FCHO1: variants seen among roughly 807,000 people sequenced by gnomAD.
The protein encoded by FCHO1 is FCH and mu domain containing endocytic adaptor 1.
In FCHO1, 45 loss-of-function variants were observed where a neutral mutation model predicts 114.4. That is an observed-to-expected ratio of 0.39 (90% CI 0.31 to 0.50). FCHO1 has a LOEUF of 0.50. Ranked by LOEUF, FCHO1 falls within the 20% of genes least tolerant of loss-of-function variation. The pLI is 0.77. For missense variants in FCHO1, 1,042 were observed against 1,209.6 expected (o/e 0.86, Z 2.06); for synonymous variants, 480 against 488.9 (o/e 0.98, Z 0.24).
chr19:17,778,416 C>T lies in FCHO1; in HGVS notation c.1351+188C>T, dbSNP rs974626597. 14 of 777,070 alleles carry T rather than the reference C, an allele frequency of 1.8e-5. No individual in the cohort carries two copies. In the Admixed American group the frequency reaches 3.2e-4, roughly 18 times the overall value. 48.1% of individuals were successfully genotyped at this position (777,070 alleles called of 1,614,324 possible). ...ATAGGGTGGGGCCTTGGCCAGTGGG[C>T]GGTGACTGAGTGGATGGGCCGGACA... On this transcript the variant is annotated intron_variant, in intron 19 of 28. Coordinates refer to ENST00000596536, the MANE Select transcript of FCHO1 (RefSeq NM_015122.3).
intron 7 of FCHO1, 116 bp from the exon 8 acceptor site, chr19:17,770,309 C>A (rs1051404660): frequency 3.1e-5 from 36 of 1,147,896 alleles, no homozygotes; most frequent in South Asian, 5.4e-5. Context: ...CTAAAAAAAA[C>A]CAAACCAAAA....
At chr19:17,767,563 T>TAAAA (rs34862065) in intron 7 of FCHO1, among the ~76,000 whole-genome samples, 10 of 114,272 alleles carry the variant, frequency 8.8e-5, no homozygotes, top group Admixed American at 9.4e-5. Flanking sequence ...AAAGACTGTC[T>TAAAA]AAAAAAAAAA....
At chr19:17,786,656 GGGTGGGAGGGACTGGGGTCA>G (rs1395358139) in intron 27 of FCHO1, 27 bp downstream of exon 27, 26 of 1,588,816 alleles carry the variant, frequency 1.6e-5, no homozygotes, top group Non-Finnish European at 2.2e-5. Flanking sequence ...TATGAGGGCT[GGGTGGGAGGGACTGGGGTCA>G]GGTGGGAGGC....
rs192109278 is a variant in FCHO1 at position 17,771,917 on chromosome 19, A to T, written c.595-540A>T. ...AACCTCCGCCTCCTGGGCTCAAGTGATTCTCCTGCCTCAGCCTCCCTAGTA... is the reference window on the plus strand; with the variant it reads ...AACCTCCGCCTCCTGGGCTCAAGTGTTTCTCCTGCCTCAGCCTCCCTAGTA... On this transcript the variant is annotated intron_variant, in intron 9 of 28. Transcript: ENST00000596536. Among the ~76,000 whole-genome samples, 300 of 151,966 alleles carry T rather than the reference A, an allele frequency of 2.0e-3. 1 individual carries two copies. The highest frequency in any genetic ancestry group is 7.0e-3 in the African/African-American group (290 of 41,456).
At chr19:17,759,747 A>G (rs1466479318) in intron 4 of FCHO1, among the ~76,000 whole-genome samples, 1 of 151,692 alleles carries the variant, frequency 6.6e-6, no homozygotes, top group East Asian at 2.0e-4. Context: ...AGCTTGACCA[A>G]CATGGTGAAA....
chr19:17,768,014 C>A (rs2090010963), intron 7 of FCHO1, among the ~76,000 whole-genome samples: 1 of 152,158 alleles, frequency 6.6e-6, no homozygotes, highest in East Asian at 1.9e-4. Flanking sequence ...CCAAAATCTG[C>A]ATGTTTTTAT....
chr19:17,748,645 G>C (rs1445744059), upstream of FCHO1, among the ~76,000 whole-genome samples: 1 of 152,062 alleles, frequency 6.6e-6, no homozygotes, highest in Non-Finnish European at 1.5e-5. Context: ...TTGGGGGGTG[G>C]GGGACCCCTC....
At chr19:17,764,755 T>A (rs112395433) in intron 6 of FCHO1, among the ~76,000 whole-genome samples, 1,542 of 152,048 alleles carry the variant, frequency 0.01, 23 homozygotes, top group African/African-American at 0.035. Context: ...AAAACATTTT[T>A]TTTCTGAGGT....
Position 17,764,419 on chromosome 19 carries a change from CCAAGCTGGCCAG to C in FCHO1, c.168_179del (p.Lys56_Ser59del). The C allele has an allele frequency of 6.2e-7, 1 of 1,613,484 alleles. No homozygotes were observed. The highest frequency in any genetic ancestry group is 8.5e-7 in the Non-Finnish European group (1 of 1,179,788). ...TACTCGAAGGCGATGGCGAAACTCT[CCAAGCTGGCCAG>C]CAACGGGACCCCCATGGGGTGAGTG... On this transcript the variant is annotated inframe_deletion, in exon 6 of 29. Transcript: ENST00000596536.
In FCHO1 at chr19:17,776,287, T is replaced by C; in HGVS notation, c.1207+16T>C. 6.2e-7 allele frequency: 1 copy of C among 1,614,120 alleles called. No homozygotes were observed. The highest frequency in any genetic ancestry group is 1.3e-5 in the African/African-American group (1 of 75,038). On this transcript the variant is annotated intron_variant, in intron 17 of 28. Transcript: ENST00000596536. The surrounding 1 kb of genome is among the most constrained non-coding windows in gnomAD (Gnocchi z 4.4). ...CATTCTTCACGTGAGTAGCCTTTGGTCTTCAGAGTGGGGAGGATCCTAAGG... is the reference window on the plus strand; with the variant it reads ...CATTCTTCACGTGAGTAGCCTTTGGCCTTCAGAGTGGGGAGGATCCTAAGG...
upstream of FCHO1, among the ~76,000 whole-genome samples, chr19:17,748,190 A>T (rs1428590538): frequency 6.6e-6 from 1 of 152,042 alleles, no homozygotes; most frequent in Non-Finnish European, 1.5e-5. Context: ...GGTGGCTGAG[A>T]TGGGGACCAC....
chr19:17,784,367 A>G lies in FCHO1; in HGVS notation c.2226+132A>G. On this transcript the variant is annotated intron_variant, in intron 25 of 28. Transcript: ENST00000596536. The surrounding 1 kb of genome is among the most constrained non-coding windows in gnomAD (Gnocchi z 5.3). ...CTGACCTCAAGAGATCCAATCTGTG[A>G]GAGCCGATGAGCTGGAGGGAGTAGG... The G allele has an allele frequency of 8.7e-7, 1 of 1,151,806 alleles. No individual in the cohort carries two copies. Among genetic ancestry groups the G allele is most frequent in the Non-Finnish European group, 1.2e-6 (1 of 821,230 alleles). 71.3% of individuals were successfully genotyped at this position (1,151,806 alleles called of 1,614,324 possible). A position where few individuals can be genotyped will look rare whatever the true frequency, so the allele number is the denominator to read the frequency against.
At chr19:17,749,198 C>T (rs2146080873), upstream of FCHO1, among the ~76,000 whole-genome samples, 1 of 152,282 alleles carries the variant, frequency 6.6e-6, no homozygotes, top group South Asian at 2.1e-4. Flanking sequence ...GCCAGGCCAG[C>T]TCATTCCCTG....
Position 17,775,961 on chromosome 19 carries a change from T to C in FCHO1, c.1004-22T>C, listed in dbSNP as rs769888803. 1.9e-6 allele frequency: 3 copies of C among 1,602,546 alleles called. No homozygotes were observed. Among genetic ancestry groups the C allele is most frequent in the Non-Finnish European group, 2.5e-6 (3 of 1,178,374 alleles). Reference sequence around the variant, plus strand: ...GGGGAAAGCTTGTGTTGGGATTGGCTTGGACCTTGACTGCAGCCCACGCAC... The same window carrying C: ...GGGGAAAGCTTGTGTTGGGATTGGCCTGGACCTTGACTGCAGCCCACGCAC... On this transcript the variant is annotated intron_variant, in intron 15 of 28. Coordinates refer to ENST00000596536, the MANE Select transcript of FCHO1 (RefSeq NM_015122.3). The surrounding 1 kb of genome is among the most constrained non-coding windows in gnomAD (Gnocchi z 5.1).
rs144273372 is a variant in FCHO1, at chr19:17,776,053, T to C, written c.1074T>C (p.Tyr358=). Residue 358 remains tyrosine, a synonymous_variant, in exon 16 of 29, where the codon TAT becomes TAC. Coordinates refer to ENST00000596536, the MANE Select transcript of FCHO1 (RefSeq NM_015122.3). This position sits in a 1 kb window ranked among gnomAD's most constrained non-coding sequence, Gnocchi z 4.4. ...ACGATGAAGAGCCCCGCAAGTTCTA[T>C]GTGCACATCAAGCCTGCCCCGGCCC... ...DFDDEEPRKF[Y]VHIKPAPARA... 324 of 1,610,966 alleles carry C rather than the reference T, an allele frequency of 2.0e-4. No individual in the cohort carries two copies. Among genetic ancestry groups the C allele is most frequent in the Non-Finnish European group, 2.7e-4 (316 of 1,180,010 alleles).
At chr19:17,762,270 G>A (rs2086592149) in intron 4 of FCHO1, among the ~76,000 whole-genome samples, 1 of 150,218 alleles carries the variant, frequency 6.7e-6, no homozygotes, top group Non-Finnish European at 1.5e-5. Flanking sequence ...ACGGGCGTGA[G>A]CCACCGTGCC....
chr19:17,782,364 C>T (rs2093501368), intron 23 of FCHO1, among the ~76,000 whole-genome samples: 2 of 152,102 alleles, frequency 1.3e-5, no homozygotes, highest in South Asian at 4.2e-4. Context: ...GCCACCACAC[C>T]CTGCTGATTT....
rs530821806 is a variant in FCHO1 at position 17,774,445 on chromosome 19, G to T, written c.887G>T (p.Arg296Leu). The T allele has an allele frequency of 7.4e-6, 12 of 1,613,558 alleles. No homozygotes were observed. The highest frequency in any genetic ancestry group is 1.7e-5 in the Admixed American group (1 of 60,000). The change falls in exon 13 of 29, where the codon CGG becomes CTG. Residue 296 changes from arginine (R) to leucine (L), a missense_variant. Arg to Leu is a moderately radical substitution (Grantham distance 102). This residue lies in a region of FCHO1 where 450 missense variants were observed against 564.1 expected (regional missense o/e 0.80). Coordinates refer to ENST00000596536, the MANE Select transcript of FCHO1 (RefSeq NM_015122.3). The stretch of plus-strand genomic sequence containing the variant: ...GCCTTTCGCCTTCCAGGACTAAGCC[G>T]GCGGGAGCGGGAGCCAGAGCCACCT... ...AKAFRLPGLSRREREPEPPAA... is the reference protein window; with the variant it reads ...AKAFRLPGLSLREREPEPPAA...
chr19:17,749,390 A>G (rs952889085), upstream of FCHO1, among the ~76,000 whole-genome samples: 3 of 152,108 alleles, frequency 2.0e-5, no homozygotes, highest in African/African-American at 4.8e-5. Flanking sequence ...CTCTGTAAAT[A>G]CAGACATGAT....
Sources: gnomAD v4.1 joint callset for allele counts (sites outside exome capture counted in the v4.1 genomes callset) on GRCh38, gnomAD v4.1.1 for gene constraint, gnomAD v4.1.1 regional missense constraint, Gnocchi (gnomAD v3.1) non-coding constraint, MANE v1.5 for transcripts, NCBI Gene and HGNC (gene_info 2026-07-23, HGNC 2026-07-21) for gene names.